Variants in DCAF8 observed in about 807,000 individuals in gnomAD.
DCAF8 encodes DDB1 and CUL4 associated factor 8, also known as DDB1- and CUL4-associated factor 8.
A neutral mutation model predicts 68.0 loss-of-function variants in DCAF8; 20 were observed. That is an observed-to-expected ratio of 0.29 (90% CI 0.21 to 0.43). DCAF8 has a LOEUF of 0.43. Among genes scored for constraint, DCAF8 ranks in the 20% least tolerant of loss-of-function variants. The pLI is 1.00. For synonymous variants in DCAF8, 230 were observed against 276.9 expected (o/e 0.83, Z 1.68); for missense variants, 460 against 771.0 (o/e 0.60, Z 4.78).
Position 160,240,040 on chromosome 1 carries a change from T to TG in DCAF8, c.379dup (p.Gln127ProfsTer6). 6.2e-7 allele frequency: 1 copy of TG among 1,614,268 alleles called. No homozygotes were observed. Among genetic ancestry groups the TG allele is most frequent in the Non-Finnish European group, 8.5e-7 (1 of 1,180,048 alleles). ...GGCCCGCTCATCATCTGATGAGTCC[T>TG]GGTCACGGTTAGCCCGCTTGCGCTG... is the stretch of plus-strand genomic sequence containing the variant. On this transcript the variant is annotated frameshift_variant, in exon 4 of 14. Coordinates refer to ENST00000368074, the MANE Select transcript of DCAF8 (RefSeq NM_015726.4). LOFTEE classifies it high-confidence loss of function.
chr1:160,218,257 C>A lies in DCAF8; in HGVS notation c.1677+67G>T. 1.6e-5 allele frequency: 20 copies of A among 1,246,634 alleles called. No individual in the cohort carries two copies. The South Asian group carries it at 2.4e-4, about 15-fold the overall frequency. The allele number at this position is 1,246,634 out of a possible 1,614,324, so 77.2% of individuals were successfully genotyped here. A position where few individuals can be genotyped will look rare whatever the true frequency, so the allele number is the denominator to read the frequency against. ...ACCTGATTACTGCTTGAAGTCACTA[C>A]TCTGGAACTTTTTAGCCCTCTTAAA... On this transcript the variant is annotated intron_variant, in intron 13 of 13. Coordinates refer to ENST00000368074, the MANE Select transcript of DCAF8 (RefSeq NM_015726.4).
At chr1:160,218,185 G>A in intron 13 of DCAF8, 139 bp downstream of exon 13, 1 of 709,652 alleles carries the variant, frequency 1.4e-6, no homozygotes, top group Non-Finnish European at 2.6e-6. Flanking sequence ...CTATATCAGG[G>A]ATCTGATGGG....
chr1:160,231,855 A>G (rs1174090085), intron 6 of DCAF8, among the ~76,000 whole-genome samples: 1 of 152,202 alleles, frequency 6.6e-6, no homozygotes, highest in African/African-American at 2.4e-5. Flanking sequence ...AGTAGGCTAA[A>G]AAAGACCTTA....
intron 2 of DCAF8, among the ~76,000 whole-genome samples, chr1:160,249,390 T>C (rs1656489029): frequency 6.6e-6 from 1 of 152,190 alleles, no homozygotes; most frequent in Non-Finnish European, 1.5e-5. Flanking sequence ...TCATATACAC[T>C]GTTACTAGAA....
intron 1 of DCAF8, chr1:160,262,190 C>T (rs988577917): frequency 2.5e-6 from 1 of 396,714 alleles, no homozygotes; most frequent in African/African-American, 2.1e-5. Context: ...GCGCTAAGAG[C>T]TTGGGATACG....
At chr1:160,241,438 G>C (rs984777995) in intron 3 of DCAF8, among the ~76,000 whole-genome samples, 1 of 152,178 alleles carries the variant, frequency 6.6e-6, no homozygotes, top group African/African-American at 2.4e-5. Context: ...CTATAGTGGT[G>C]CCTAAGACGA....
At chr1:160,241,842 G>C (rs1276333211) in intron 3 of DCAF8, among the ~76,000 whole-genome samples, 1 of 152,196 alleles carries the variant, frequency 6.6e-6, no homozygotes, top group Non-Finnish European at 1.5e-5. Flanking sequence ...GCAGTAATTT[G>C]TGAAGAGCTC....
chr1:160,217,761 C>G, intron 13 of DCAF8, 53 bp from the exon 14 acceptor site: 4 of 1,435,486 alleles, frequency 2.8e-6, no homozygotes, highest in Non-Finnish European at 2.9e-6. Flanking sequence ...CAAGGACAAG[C>G]CTGTTAGGTC....
chr1:160,225,700 C>G lies in DCAF8; in HGVS notation c.1071-37G>C, dbSNP rs757371766. 6.4e-6 allele frequency: 10 copies of G among 1,555,170 alleles called. No homozygotes were observed. In the Admixed American group the frequency reaches 1.7e-4, roughly 26 times the overall value. On this transcript the variant is annotated intron_variant, in intron 7 of 13. Transcript: ENST00000368074. The stretch of plus-strand genomic sequence containing the variant: ...AAAGCAATGAAAATGTAAAAATGTA[C>G]AAACGAAACCCTTGAAGAGCTGCAA...
intron 2 of DCAF8, among the ~76,000 whole-genome samples, chr1:160,251,561 C>T (rs1656594952): frequency 6.6e-6 from 1 of 152,110 alleles, no homozygotes; most frequent in Middle Eastern, 3.2e-3. Flanking sequence ...AAGCCTCGAT[C>T]TCCCAGGCTC....
intron 2 of DCAF8, among the ~76,000 whole-genome samples, chr1:160,244,992 AAAG>A (rs2101750523): frequency 6.6e-6 from 1 of 152,342 alleles, no homozygotes; most frequent in East Asian, 1.9e-4. Flanking sequence ...TATCCCTAGG[AAAG>A]AAGCTTAAGT....
At position 160,217,458 on chromosome 1, in the gene DCAF8, T is replaced by A; in HGVS notation, c.*134A>T. 2 of 619,960 alleles carry A rather than the reference T, an allele frequency of 3.2e-6. No homozygotes were observed. The highest frequency in any genetic ancestry group is 5.6e-6 in the Non-Finnish European group (2 of 357,642). The allele number at this position is 619,960 out of a possible 1,614,324, so 38.4% of individuals were successfully genotyped here. A position where few individuals can be genotyped will look rare whatever the true frequency, so the allele number is the denominator to read the frequency against. ...TCACTCCTCTGGTTTGTCCTTCTCC[T>A]GGGATGTCTTTCTTTTATCTAAAGC... On this transcript the variant is annotated 3_prime_UTR_variant, in exon 14 of 14. Transcript: ENST00000368074.
At chr1:160,242,283 A>G (rs914220300) in intron 3 of DCAF8, among the ~76,000 whole-genome samples, 13 of 151,962 alleles carry the variant, frequency 8.6e-5, no homozygotes, top group African/African-American at 2.9e-4. Context: ...AGCACAGTAT[A>G]AAACAACTGG....
intron 2 of DCAF8, among the ~76,000 whole-genome samples, chr1:160,249,808 T>G (rs1463215667): frequency 6.6e-6 from 1 of 152,060 alleles, no homozygotes; most frequent in Admixed American, 6.6e-5. Flanking sequence ...TACTACTGAG[T>G]AATAAAAAGG....
intron 7 of DCAF8, 138 bp downstream of exon 7, chr1:160,231,159 T>C: frequency 1.5e-6 from 1 of 662,878 alleles, no homozygotes; most frequent in Non-Finnish European, 2.7e-6. Context: ...TGTAAGATTT[T>C]TGGAAAACGG....
chr1:160,222,203 C>G (rs1419456754), intron 11 of DCAF8, among the ~76,000 whole-genome samples: 1 of 152,162 alleles, frequency 6.6e-6, no homozygotes, highest in African/African-American at 2.4e-5. Context: ...TTCTAATTTT[C>G]CCAACTGTCC....
chr1:160,255,278 C>G (rs1353652526), intron 2 of DCAF8, among the ~76,000 whole-genome samples: 2 of 152,200 alleles, frequency 1.3e-5, no homozygotes, highest in African/African-American at 4.8e-5. Context: ...TTTTCTCCCT[C>G]TTTTAATTTT....
At position 160,237,126 on chromosome 1, in the gene DCAF8, T is replaced by C. The variant is rs1408368617; in HGVS notation, c.959+9A>G. 2 of 1,548,134 alleles carry C rather than the reference T, an allele frequency of 1.3e-6. No individual in the cohort carries two copies. Among genetic ancestry groups the C allele is most frequent in the Non-Finnish European group, 1.8e-6 (2 of 1,140,948 alleles). ...TACAGTTCTGTAATGATATTACTGC[T>C]ACACTTACGACGCTGGGCGGTCTTG... On this transcript the variant is annotated intron_variant, in intron 6 of 13. Transcript: ENST00000368074.
At chr1:160,238,122 C>T (rs913854161) in intron 5 of DCAF8, among the ~76,000 whole-genome samples, 1 of 152,184 alleles carries the variant, frequency 6.6e-6, no homozygotes, top group African/African-American at 2.4e-5. Context: ...TACCTTAAAA[C>T]TGGCAGCTCT....
Sources: allele counts gnomAD v4.1 joint callset (sites outside exome capture counted in the v4.1 genomes callset), GRCh38; gene constraint gnomAD v4.1.1; transcripts MANE v1.5; gene names NCBI Gene and HGNC (gene_info 2026-07-23, HGNC 2026-07-21).